ARHGAP15: variants seen among roughly 807,000 people sequenced by gnomAD.
ARHGAP15 encodes Rho GTPase activating protein 15.
In ARHGAP15, 51 loss-of-function variants were observed where a neutral mutation model predicts 63.7. That is an observed-to-expected ratio of 0.80 (90% confidence interval 0.64 to 1.01). The LOEUF is 1.01. Among genes scored for constraint, ARHGAP15 ranks in the 50% least tolerant of loss-of-function variants. ARHGAP15 has a pLI of 0.00. For missense variants in ARHGAP15, 560 were observed against 564.6 expected, an observed-to-expected ratio of 0.99 and a Z score of 0.08; for synonymous variants, 191 against 193.8, an observed-to-expected ratio of 0.99 and a Z score of 0.12.
intron 6 of ARHGAP15, among the ~76,000 whole-genome samples, chr2:143,412,557 G>C (rs1040924716): frequency 7.2e-5 from 11 of 152,030 alleles, no homozygotes; most frequent in African/African-American, 2.4e-4. Context: ...ATTTATTATT[G>C]CTTCTTTAAA....
At chr2:143,266,673 T>TC (rs1681014623) in intron 6 of ARHGAP15, among the ~76,000 whole-genome samples, 1 of 152,180 alleles carries the variant, frequency 6.6e-6, no homozygotes, top group African/African-American at 2.4e-5. Flanking sequence ...AGAGTTCTCC[T>TC]TAAATTATTT....
chr2:143,645,078 A>T (rs1680804910), intron 12 of ARHGAP15, among the ~76,000 whole-genome samples: 1 of 152,076 alleles, frequency 6.6e-6, no homozygotes, highest in African/African-American at 2.4e-5. Context: ...TAGGTTTGAG[A>T]TTGTTTTACA....
intron 8 of ARHGAP15, among the ~76,000 whole-genome samples, chr2:143,473,783 A>G (rs1214627676): frequency 1.3e-5 from 2 of 152,146 alleles, no homozygotes; most frequent in African/African-American, 2.4e-5. Context: ...TGTGTATTTT[A>G]AAGGTCATTT....
At chr2:143,162,048 T>C (rs1163037286) in intron 2 of ARHGAP15, 1 of 151,984 alleles carries the variant, frequency 6.6e-6, no homozygotes, top group African/African-American at 2.4e-5. Context: ...TAAAATAGTC[T>C]AAAAAATTCA....
At chr2:143,293,683 C>T (rs1010407304) in intron 6 of ARHGAP15, among the ~76,000 whole-genome samples, 1 of 151,914 alleles carries the variant, frequency 6.6e-6, no homozygotes, top group Non-Finnish European at 1.5e-5. Flanking sequence ...CTAAAAGTTT[C>T]TTAGGTAAGG....
intron 13 of ARHGAP15, among the ~76,000 whole-genome samples, chr2:143,727,014 C>G (rs756853032): frequency 6.6e-6 from 1 of 152,204 alleles, no homozygotes; most frequent in Admixed American, 6.5e-5. Context: ...GGCTAAGTCT[C>G]AGTTACCCCC....
chr2:143,766,458 C>T (rs890567658), intron 13 of ARHGAP15, among the ~76,000 whole-genome samples: 2 of 152,064 alleles, frequency 1.3e-5, no homozygotes, highest in Non-Finnish European at 2.9e-5. Context: ...TGGCCCCCAA[C>T]GTGCAAGAGT....
Position 143,556,468 on chromosome 2 carries a change from G to C in ARHGAP15, c.986G>C (p.Arg329Thr). 6.2e-7 allele frequency: 1 copy of C among 1,611,534 alleles called. No homozygotes were observed. The highest frequency in any genetic ancestry group is 1.1e-5 in the South Asian group (1 of 90,852). ...AATCTGGCAACAATACAGAAGTTAA[G>C]ATTTATTGTCAACCAAGGTAAGTGA... ...SGNLATIQKL[R>T]FIVNQEEKLN... Residue 329 changes from arginine to threonine, a missense_variant, in exon 11 of 14, where the codon AGA becomes ACA. By Grantham distance (71) the Arg-to-Thr change is moderately conservative. Coordinates refer to ENST00000295095, the MANE Select transcript of ARHGAP15 (RefSeq NM_018460.4).
chr2:143,181,563 A>C (rs2105070069), intron 2 of ARHGAP15, among the ~76,000 whole-genome samples: 1 of 152,322 alleles, frequency 6.6e-6, no homozygotes, highest in South Asian at 2.1e-4. Context: ...TTGTACTTTT[A>C]TGTTATGGAG....
intron 12 of ARHGAP15, among the ~76,000 whole-genome samples, chr2:143,682,520 A>C (rs890751637): frequency 2.6e-5 from 4 of 152,192 alleles, no homozygotes; most frequent in African/African-American, 9.6e-5. Context: ...GTGCATGTGT[A>C]TACACACACA....
At chr2:143,598,562 A>G (rs949642899) in intron 11 of ARHGAP15, among the ~76,000 whole-genome samples, 6 of 152,138 alleles carry the variant, frequency 3.9e-5, no homozygotes, top group Non-Finnish European at 8.8e-5. Flanking sequence ...GCCACATTAT[A>G]CCTTACCCCT....
At chr2:143,183,451 A>G (rs1225048626) in intron 2 of ARHGAP15, among the ~76,000 whole-genome samples, 1 of 152,228 alleles carries the variant, frequency 6.6e-6, no homozygotes, top group Non-Finnish European at 1.5e-5. Context: ...ACAATCAATC[A>G]GGAAAGTGAA....
intron 6 of ARHGAP15, among the ~76,000 whole-genome samples, chr2:143,305,833 C>T (rs943593545): frequency 6.6e-6 from 1 of 151,934 alleles, no homozygotes; most frequent in Admixed American, 6.6e-5. Flanking sequence ...GGAATTTTAG[C>T]AACTGTTGTA....
At chr2:143,690,350 T>C (rs1257558645) in intron 12 of ARHGAP15, among the ~76,000 whole-genome samples, 1 of 152,222 alleles carries the variant, frequency 6.6e-6, no homozygotes, top group African/African-American at 2.4e-5. Context: ...CAGATGCCAT[T>C]TAAAACCAAA....
At chr2:143,490,845 C>G (rs2105234741) in intron 9 of ARHGAP15, among the ~76,000 whole-genome samples, 1 of 152,200 alleles carries the variant, frequency 6.6e-6, no homozygotes. Context: ...CCAGGCTGGT[C>G]TTGAACTCCT....
intron 6 of ARHGAP15, among the ~76,000 whole-genome samples, chr2:143,364,833 C>A (rs1054134272): frequency 5.9e-5 from 9 of 152,062 alleles, no homozygotes; most frequent in Admixed American, 5.2e-4. Flanking sequence ...TTCCAGAAAA[C>A]CCTGTCTCTT....
chr2:143,320,862 C>T (rs1336182075), intron 6 of ARHGAP15, among the ~76,000 whole-genome samples: 2 of 151,986 alleles, frequency 1.3e-5, no homozygotes, highest in Admixed American at 6.6e-5. Context: ...CAGAGCTTTG[C>T]GTGCTCTGCA....
intron 4 of ARHGAP15, among the ~76,000 whole-genome samples, chr2:143,226,837 G>T (rs939938406): frequency 1.3e-5 from 2 of 152,144 alleles, no homozygotes; most frequent in African/African-American, 2.4e-5. Flanking sequence ...CATTAAGAAA[G>T]CTCCAGGCAT....
intron 1 of ARHGAP15, among the ~76,000 whole-genome samples, chr2:143,149,252 G>A (rs1255959514): frequency 5.3e-5 from 8 of 151,934 alleles, no homozygotes; most frequent in South Asian, 4.1e-4. Context: ...TTCGCTCCTC[G>A]TGGTGGACCT....
Sources: allele counts gnomAD v4.1 joint callset (sites outside exome capture counted in the v4.1 genomes callset), GRCh38; gene constraint gnomAD v4.1.1; transcripts MANE v1.5; gene names NCBI Gene and HGNC (gene_info 2026-07-23, HGNC 2026-07-21).